Variants in KCNQ4 observed in about 807,000 individuals in gnomAD.
The protein encoded by KCNQ4 is potassium voltage-gated channel subfamily Q member 4.
KCNQ4 carries 31 observed loss-of-function variants against 72.6 expected under a neutral mutation model. That is an observed-to-expected ratio of 0.43 (90% CI 0.32 to 0.58). The LOEUF (loss-of-function observed/expected upper bound fraction) is 0.58, where lower values mean the gene tolerates loss of function less well. Among genes scored for constraint, KCNQ4 ranks in the 20% least tolerant of loss-of-function variants. The pLI is 0.08. For missense variants in KCNQ4, 869 were observed against 962.6 expected, an observed-to-expected ratio of 0.90 and a Z score of 1.29; for synonymous variants, 405 against 403.7, an observed-to-expected ratio of 1.00 and a Z score of -0.04.
chr1:40,809,035 T>C (rs1488019606), intron 1 of KCNQ4, among the ~76,000 whole-genome samples: 1 of 152,206 alleles, frequency 6.6e-6, no homozygotes, highest in African/African-American at 2.4e-5. Context: ...AGGGACCCAG[T>C]GACCAATGTG....
chr1:40,828,639 T>C (rs1370446777), intron 9 of KCNQ4, among the ~76,000 whole-genome samples: 1 of 152,148 alleles, frequency 6.6e-6, no homozygotes, highest in Non-Finnish European at 1.5e-5. Flanking sequence ...ATAGGGATGG[T>C]AAAGACCGCC....
intron 1 of KCNQ4, among the ~76,000 whole-genome samples, chr1:40,813,223 G>A (rs941362870): frequency 1.3e-5 from 2 of 152,200 alleles, no homozygotes; most frequent in African/African-American, 4.8e-5. Flanking sequence ...CTCTAAGTGC[G>A]ATGGAAGTCC....
At position 40,795,999 on chromosome 1, in the gene KCNQ4, A is replaced by C. The variant is rs191442021; in HGVS notation, c.314+11592A>C. Reference sequence around the variant, plus strand: ...CCCATTGGATGGAAGATGACACTGAAGCTTAAAGGTGAAACACTGCCCTTG... The same window carrying C: ...CCCATTGGATGGAAGATGACACTGACGCTTAAAGGTGAAACACTGCCCTTG... On this transcript the variant is annotated intron_variant, in intron 1 of 13. Coordinates refer to ENST00000347132, the MANE Select transcript of KCNQ4 (RefSeq NM_004700.4). Among the ~76,000 whole-genome samples the C allele has an allele frequency of 4.6e-5, 7 of 152,280 alleles. No homozygotes were observed. In the East Asian group the frequency reaches 1.4e-3, roughly 29 times the overall value.
At chr1:40,813,784 GT>G (rs1380057672) in intron 1 of KCNQ4, among the ~76,000 whole-genome samples, 1 of 151,938 alleles carries the variant, frequency 6.6e-6, no homozygotes, top group Non-Finnish European at 1.5e-5. Flanking sequence ...GTCTCACTCT[GT>G]CGCCCAGGCT....
chr1:40,824,241 CT>C lies in KCNQ4; in HGVS notation c.1277del (p.Phe426SerfsTer70), dbSNP rs1397612880. The C allele has an allele frequency of 2.5e-6, 4 of 1,608,772 alleles. No homozygotes were observed. The highest frequency in any genetic ancestry group is 2.7e-5 in the African/African-American group (2 of 74,864). The part of the protein sequence containing the change: ...ATCHRPGSTS[F>X]CPGESSRMGI... The stretch of plus-strand genomic sequence containing the variant: ...CCTGCCACCGGCCGGGCAGCACCTC[CT>C]TCTGCCCTGGGGAAAGGTAGGGGCC... On this transcript the variant is annotated frameshift_variant, in exon 9 of 14. Coordinates refer to ENST00000347132, the MANE Select transcript of KCNQ4 (RefSeq NM_004700.4). LOFTEE classifies it high-confidence loss of function.
At chr1:40,818,425 G>A in intron 3 of KCNQ4, 80 bp from the exon 4 acceptor site, 1 of 1,555,740 alleles carries the variant, frequency 6.4e-7, no homozygotes. Flanking sequence ...CCAGTCCCCT[G>A]CCACATCCCC....
At position 40,817,130 on chromosome 1, in the gene KCNQ4, A is replaced by G. The variant is rs901992345; in HGVS notation, c.315-135A>G. The G allele has an allele frequency of 1.5e-5, 11 of 744,404 alleles. No homozygotes were observed. The highest frequency in any genetic ancestry group is 5.2e-5 in the African/African-American group (3 of 57,904). 46.1% of individuals were successfully genotyped at this position (744,404 alleles called of 1,614,324 possible). A position where few individuals can be genotyped will look rare whatever the true frequency, so the allele number is the denominator to read the frequency against. On this transcript the variant is annotated intron_variant, in intron 1 of 13. Transcript: ENST00000347132. This position sits in a 1 kb window ranked among gnomAD's most constrained non-coding sequence, Gnocchi z 5.5. ...CAGCACAGAGCTGTAACTCCAGGGAATTCCAATTCTGATTTCCACATAATT... is the reference window on the plus strand; with the variant it reads ...CAGCACAGAGCTGTAACTCCAGGGAGTTCCAATTCTGATTTCCACATAATT...
rs757534829 is a variant in KCNQ4 at position 40,819,868 on chromosome 1, T to C, written c.835-7T>C. 6.2e-7 allele frequency: 1 copy of C among 1,602,906 alleles called. No individual in the cohort carries two copies. Among genetic ancestry groups the C allele is most frequent in the Non-Finnish European group, 8.5e-7 (1 of 1,169,816 alleles). ...CAGTCCTGCCTGTAACCTGTTTGTG[T>C]CTCCAGATTACATTGACAACCATCG... On this transcript the variant is annotated splice_region_variant and splice_polypyrimidine_tract_variant and intron_variant, in intron 5 of 13. Transcript: ENST00000347132.
At position 40,822,319 on chromosome 1, in the gene KCNQ4, C is replaced by T; in HGVS notation, c.1047C>T (p.Ala349=). The change falls in exon 8 of 14, where the codon GCC becomes GCT. Residue 349 remains alanine, a synonymous_variant. Coordinates refer to ENST00000347132, the MANE Select transcript of KCNQ4 (RefSeq NM_004700.4). ...CACGTCCCCCATACCACCAGGCTGC[C>T]TGGCGCCTGTACTCCACCGATATGA... The part of the protein sequence containing the change: ...RMPAANLIQA[A]WRLYSTDMSR... 1 of 1,589,316 alleles carries T rather than the reference C, an allele frequency of 6.3e-7. No homozygotes were observed. The highest frequency in any genetic ancestry group is 8.6e-7 in the Non-Finnish European group (1 of 1,164,144).
chr1:40,838,996 A>C lies in KCNQ4; in HGVS notation c.*473A>C. On this transcript the variant is annotated 3_prime_UTR_variant, in exon 14 of 14. Coordinates refer to ENST00000347132, the MANE Select transcript of KCNQ4 (RefSeq NM_004700.4). ...CAAGGTGCCCCCACAGGTACCCACA[A>C]AGCACAGGACCCTGCCACAAGGCAG... 4.0e-6 allele frequency: 1 copy of C among 247,374 alleles called. No individual in the cohort carries two copies. The allele number at this position is 247,374 out of a possible 1,614,324, so 15.3% of individuals were successfully genotyped here.
In KCNQ4 at chr1:40,838,443, A is replaced by C; in HGVS notation, c.2008A>C (p.Ser670Arg). ...CCCCGACATCACCTCCGACTACCAC[A>C]GCCCTGTGGACCACGAGGACATCTC... ...FDPDITSDYH[S>R]PVDHEDISVS... Residue 670 changes from serine to arginine, a missense_variant, in exon 14 of 14, where the codon AGC becomes CGC. Physicochemically the swap from Ser to Arg is moderately radical, Grantham distance 110 (BLOSUM62 -1). Transcript: ENST00000347132. The C allele has an allele frequency of 6.2e-7, 1 of 1,614,104 alleles. No homozygotes were observed. Among genetic ancestry groups the C allele is most frequent in the Non-Finnish European group, 8.5e-7 (1 of 1,179,972 alleles).
intron 10 of KCNQ4, among the ~76,000 whole-genome samples, chr1:40,832,405 C>T (rs1429803311): frequency 6.6e-6 from 1 of 152,186 alleles, no homozygotes; most frequent in Non-Finnish European, 1.5e-5. Context: ...CAGCTGGTGC[C>T]CAGGACCTCC....
At chr1:40,830,997 C>T in intron 9 of KCNQ4, 87 bp from the exon 10 acceptor site, 1 of 1,178,770 alleles carries the variant, frequency 8.5e-7, no homozygotes, top group South Asian at 1.3e-5. Flanking sequence ...ATAGCCACCC[C>T]CAAGTCCTAA....
In KCNQ4 at chr1:40,831,131, G is replaced by A. The variant is rs780044343; in HGVS notation, c.1340G>A (p.Arg447Gln). 12 of 1,609,984 alleles carry A rather than the reference G, an allele frequency of 7.5e-6. No homozygotes were observed. Among genetic ancestry groups the A allele is most frequent in the African/African-American group, 1.3e-5 (1 of 74,810 alleles). The change falls in exon 10 of 14, where the codon CGG (arginine) becomes CAG (glutamine). Residue 447 changes from arginine (R) to glutamine (Q), a missense_variant. This residue lies in a region of KCNQ4 where 480 missense variants were observed against 501.9 expected (regional missense o/e 0.96). Transcript: ENST00000347132. ...CGCATCCGCATGGGCAGCTCCCAGC[G>A]GCGGACGGGTCCTTCCAAGCAGCAT... Reference protein sequence around the residue: ...KDRIRMGSSQRRTGPSKQHLA... With the variant: ...KDRIRMGSSQQRTGPSKQHLA...
chr1:40,835,740 G>T (rs983558868), intron 12 of KCNQ4, among the ~76,000 whole-genome samples: 2 of 152,220 alleles, frequency 1.3e-5, no homozygotes, highest in Admixed American at 1.3e-4. Context: ...ACTGGAATAT[G>T]TCAGACAACG....
intron 12 of KCNQ4, among the ~76,000 whole-genome samples, chr1:40,837,274 G>A (rs574875876): frequency 1.4e-4 from 22 of 152,154 alleles, no homozygotes; most frequent in African/African-American, 5.3e-4. Context: ...AATTATTTTT[G>A]TAGAGAGGAG....
rs761479115 is a variant in KCNQ4 at position 40,838,498 on chromosome 1, G to T, written c.2063G>T (p.Arg688Leu). Residue 688 changes from arginine to leucine, a missense_variant, in exon 14 of 14, where the codon CGC becomes CTC. Physicochemically the swap from Arg to Leu is moderately radical, Grantham distance 102. Coordinates refer to ENST00000347132, the MANE Select transcript of KCNQ4 (RefSeq NM_004700.4). ...TCCGCACAGACGCTCAGCATCTCCCGCTCGGTCAGCACCAACATGGACTGA... is the reference window on the plus strand; with the variant it reads ...TCCGCACAGACGCTCAGCATCTCCCTCTCGGTCAGCACCAACATGGACTGA... The part of the protein sequence containing the change: ...SVSAQTLSIS[R>L]SVSTNMD The T allele has an allele frequency of 5.0e-6, 8 of 1,614,112 alleles. No individual in the cohort carries two copies. Among genetic ancestry groups the T allele is most frequent in the Non-Finnish European group, 6.8e-6 (8 of 1,179,960 alleles).
At chr1:40,786,964 C>G (rs1427539673) in intron 1 of KCNQ4, among the ~76,000 whole-genome samples, 1 of 152,140 alleles carries the variant, frequency 6.6e-6, no homozygotes, top group Non-Finnish European at 1.5e-5. Flanking sequence ...TGGGTCAAAT[C>G]CTTTCTCCTC....
chr1:40,813,449 G>T (rs1005454974), intron 1 of KCNQ4, among the ~76,000 whole-genome samples: 6 of 152,204 alleles, frequency 3.9e-5, no homozygotes, highest in African/African-American at 1.4e-4. Context: ...AAGGGGATGT[G>T]CAGGGGGAGG....
Sources: allele counts gnomAD v4.1 joint callset (sites outside exome capture counted in the v4.1 genomes callset), GRCh38; gene constraint gnomAD v4.1.1; regional missense constraint gnomAD v4.1.1; non-coding constraint Gnocchi (gnomAD v3.1); transcripts MANE v1.5; gene names NCBI Gene and HGNC (gene_info 2026-07-23, HGNC 2026-07-21).